The following LRRC18 variants were observed in gnomAD, a reference collection of about 807,000 sequenced individuals.
The protein encoded by LRRC18 is leucine-rich repeat-containing protein 18.
Under a neutral mutation model 11.2 loss-of-function variants are expected in LRRC18, and 12 were observed. The ratio of observed to expected loss-of-function variants is 1.07; its 90% CI spans 0.69 to 1.74. The LOEUF is 1.74. Among genes scored for constraint, LRRC18 ranks in the 40% most tolerant of loss-of-function variants. The pLI, the probability that LRRC18 is intolerant of heterozygous loss-of-function variation, is 0.00. For synonymous variants in LRRC18, 155 were observed against 130.6 expected (o/e 1.19, Z -1.27); for missense variants, 374 against 330.5 (o/e 1.13, Z -1.02).
the LRRC18 span, among the ~76,000 whole-genome samples, chr10:48,921,396 G>GTTGAAATTGGTTATTTATA: frequency 6.6e-6 from 1 of 152,150 alleles, no homozygotes; most frequent in Non-Finnish European, 1.5e-5. Flanking sequence ...AACAAACGAT[G>GTTGAAATTGGTTATTTATA]TTGAAATTGG....
chr10:48,915,633 C>T (rs1838450826), upstream of LRRC18, among the ~76,000 whole-genome samples: 1 of 152,144 alleles, frequency 6.6e-6, no homozygotes. Flanking sequence ...ATGTTTTCCT[C>T]ACCCAGTGTC....
exon 2 of LRRC18, chr10:48,910,189 C>CGTG: frequency 2.0e-6 from 3 of 1,478,432 alleles, no homozygotes; most frequent in Non-Finnish European, 2.8e-6. Flanking sequence ...TCTTCAGAGT[C>CGTG]GTTTATTCTG....
chr10:48,911,213 T>C (rs559062228), intron 1 of LRRC18, among the ~76,000 whole-genome samples: 12 of 152,270 alleles, frequency 7.9e-5, no homozygotes, highest in Non-Finnish European at 1.2e-4. Context: ...CCCCTCAGCT[T>C]CAGAAGGGGT....
At chr10:48,930,159 A>G in the LRRC18 span, among the ~76,000 whole-genome samples, 5 of 152,192 alleles carry the variant, frequency 3.3e-5, no homozygotes, top group African/African-American at 1.2e-4. Flanking sequence ...CCTGATTCCC[A>G]TGCCCTCAGA....
At chr10:48,916,695 A>G (rs1446086141), upstream of LRRC18, among the ~76,000 whole-genome samples, 1 of 152,198 alleles carries the variant, frequency 6.6e-6, no homozygotes, top group African/African-American at 2.4e-5. Flanking sequence ...AAATTCAGGA[A>G]AAGTGATTCT....
At chr10:48,914,063 G>A in exon 1 of LRRC18, 7 of 1,614,142 alleles carry the variant, frequency 4.3e-6, no homozygotes, top group Non-Finnish European at 5.9e-6. Flanking sequence ...TCAAGTCAAG[G>A]CGCTTTTTCC....
the LRRC18 span, among the ~76,000 whole-genome samples, chr10:48,923,680 C>T: frequency 6.6e-6 from 1 of 151,732 alleles, no homozygotes; most frequent in Non-Finnish European, 1.5e-5. Context: ...ATTTATCAAC[C>T]CTCTGAGCAA....
At chr10:48,910,297 A>C in intron 1 of LRRC18, 39 bp from the exon 4 acceptor site, 1 of 1,595,412 alleles carries the variant, frequency 6.3e-7, no homozygotes, top group Non-Finnish European at 8.6e-7. Flanking sequence ...CAATTGCTCC[A>C]GGCCACAGAG....
chr10:48,913,552 C>G, exon 1 of LRRC18: 1 of 1,614,136 alleles, frequency 6.2e-7, no homozygotes, highest in Non-Finnish European at 8.5e-7. Context: ...TCCTTCTCCT[C>G]CACAACATAC....
upstream of LRRC18, among the ~76,000 whole-genome samples, chr10:48,918,471 A>G (rs1838751846): frequency 6.6e-6 from 1 of 152,232 alleles, no homozygotes; most frequent in African/African-American, 2.4e-5. Flanking sequence ...GAAAATTTAC[A>G]GGAAGTAAGA....
At chr10:48,918,415 G>A (rs1838746135), upstream of LRRC18, among the ~76,000 whole-genome samples, 1 of 152,124 alleles carries the variant, frequency 6.6e-6, no homozygotes, top group African/African-American at 2.4e-5. Context: ...CTAAAGGAAG[G>A]ATGTAGTGAC....
the LRRC18 span, among the ~76,000 whole-genome samples, chr10:48,928,352 A>ATGTGTG: frequency 2.3e-4 from 14 of 59,632 alleles, no homozygotes; most frequent in African/African-American, 5.4e-4. Context: ...TTTGGTTTTG[A>ATGTGTG]CGTGTGTGTG....
At chr10:48,939,003 C>G in the LRRC18 span, among the ~76,000 whole-genome samples, 1 of 152,302 alleles carries the variant, frequency 6.6e-6, no homozygotes, top group East Asian at 1.9e-4. Flanking sequence ...CTTCTCTGCT[C>G]CACCCCAAGT....
the LRRC18 span, among the ~76,000 whole-genome samples, chr10:48,920,245 T>C: frequency 6.6e-6 from 1 of 151,924 alleles, no homozygotes; most frequent in East Asian, 1.9e-4. Context: ...CTAAAGGACG[T>C]CCACAAAAAA....
the LRRC18 span, among the ~76,000 whole-genome samples, chr10:48,919,272 G>T: frequency 6.6e-6 from 1 of 151,868 alleles, no homozygotes; most frequent in Admixed American, 6.6e-5. Context: ...TAAGAGAACA[G>T]TACAAACAAC....
chr10:48,913,371 C>T, intron 1 of LRRC18, 21 bp downstream of exon 3: 1 of 1,600,770 alleles, frequency 6.2e-7, no homozygotes, highest in Non-Finnish European at 8.5e-7. Flanking sequence ...CCTTCTGCCT[C>T]AGGGTCAGGT....
At chr10:48,922,055 G>C in the LRRC18 span, among the ~76,000 whole-genome samples, 1 of 152,030 alleles carries the variant, frequency 6.6e-6, no homozygotes, top group Admixed American at 6.5e-5. Flanking sequence ...GCCCCAAACA[G>C]AAAAATAATA....
At chr10:48,914,920 C>T (rs1589873509), upstream of LRRC18, among the ~76,000 whole-genome samples, 2 of 152,190 alleles carry the variant, frequency 1.3e-5, no homozygotes, top group Admixed American at 6.5e-5. Context: ...TTTTCCATCT[C>T]CTGCCCATTC....
chr10:48,927,235 C>A, the LRRC18 span, among the ~76,000 whole-genome samples: 455 of 152,304 alleles, frequency 3.0e-3, 1 homozygote, highest in African/African-American at 0.011. Flanking sequence ...AACCCTCCCC[C>A]CTGCTTCCAC....
Sources: allele counts gnomAD v4.1 joint callset (sites outside exome capture counted in the v4.1 genomes callset), GRCh38; gene constraint gnomAD v4.1.1; transcripts MANE v1.5; gene names NCBI Gene and HGNC (gene_info 2026-07-23, HGNC 2026-07-21).